TBC1D4: variants seen among roughly 807,000 people sequenced by gnomAD.
TBC1D4 encodes TBC (Tre-2, BUB2, CDC16) domain-containing protein.
TBC1D4 carries 121 observed loss-of-function variants against 142.5 expected under a neutral mutation model. The ratio of observed to expected loss-of-function variants is 0.85; its 90% confidence interval spans 0.73 to 0.99. The LOEUF (loss-of-function observed/expected upper bound fraction) is 0.99, where lower values mean the gene tolerates loss of function less well. Among genes scored for constraint, TBC1D4 ranks in the 50% least tolerant of loss-of-function variants. The pLI, the probability that TBC1D4 is intolerant of heterozygous loss-of-function variation, is 0.00. For missense variants in TBC1D4, 1,475 were observed against 1,606.6 expected (o/e 0.92, Z 1.40); for synonymous variants, 630 against 628.2 (o/e 1.00, Z -0.04).
chr13:75,359,817 T>C lies in TBC1D4; in HGVS notation c.1122A>G (p.Lys374=). Reference sequence around the variant, plus strand: ...TAAAATTCTTTTCTAGCACAACTGATTTAGTGTCTGGACTGATAAGGTTAA... The same window carrying C: ...TAAAATTCTTTTCTAGCACAACTGACTTAGTGTCTGGACTGATAAGGTTAA... ...FEINLISPDT[K]SVVLEKNFKD... The change falls in exon 3 of 21, where the codon AAA becomes AAG. Residue 374 remains lysine, a synonymous_variant. Transcript: ENST00000377636. The C allele has an allele frequency of 6.2e-7, 1 of 1,613,690 alleles. No homozygotes were observed. Among genetic ancestry groups the C allele is most frequent in the South Asian group, 1.1e-5 (1 of 91,054 alleles).
chr13:75,306,518 T>G (rs772587234), intron 14 of TBC1D4, 47 bp from the exon 15 acceptor site: 1 of 1,605,146 alleles, frequency 6.2e-7, no homozygotes, highest in South Asian at 1.1e-5. Flanking sequence ...TTTTCAAATG[T>G]AAAACTTTAG....
At chr13:75,314,460 A>G (rs1213800374) in intron 12 of TBC1D4, among the ~76,000 whole-genome samples, 1 of 152,158 alleles carries the variant, frequency 6.6e-6, no homozygotes, top group Non-Finnish European at 1.5e-5. Context: ...AGTTCATTCT[A>G]GTCTGGATCT....
intron 1 of TBC1D4, chr13:75,367,088 C>T (rs1243944523): frequency 3.6e-6 from 2 of 562,516 alleles, no homozygotes; most frequent in Non-Finnish European, 4.5e-6. Flanking sequence ...TATAAAACTT[C>T]CCAGGAGTAA....
At chr13:75,387,371 A>G (rs1432264011) in intron 1 of TBC1D4, among the ~76,000 whole-genome samples, 3 of 152,182 alleles carry the variant, frequency 2.0e-5, no homozygotes, top group Non-Finnish European at 4.4e-5. Context: ...ATCGTTCCTT[A>G]GAGGTTTGTG....
In TBC1D4 at chr13:75,331,022, C is replaced by A. The variant is rs1186911427; in HGVS notation, c.1732-3196G>T. Reference sequence around the variant, plus strand: ...ATTACTAGAAAAACAACTGAAATCACCTATTTTACTCATAGTGGTGTTTTA... The same window carrying A: ...ATTACTAGAAAAACAACTGAAATCAACTATTTTACTCATAGTGGTGTTTTA... On this transcript the variant is annotated intron_variant, in intron 8 of 20. Coordinates refer to ENST00000377636, the MANE Select transcript of TBC1D4 (RefSeq NM_014832.5). Among the ~76,000 whole-genome samples, 5 of 152,240 alleles carry A rather than the reference C, an allele frequency of 3.3e-5. No individual in the cohort carries two copies. The East Asian group carries it at 9.6e-4, about 29-fold the overall frequency.
intron 8 of TBC1D4, among the ~76,000 whole-genome samples, chr13:75,334,777 G>C (rs1333865617): frequency 6.6e-6 from 1 of 151,634 alleles, no homozygotes; most frequent in Non-Finnish European, 1.5e-5. Context: ...GTAGAGACGG[G>C]GTTTTACCAT....
chr13:75,468,831 A>G (rs1888273701), intron 1 of TBC1D4, among the ~76,000 whole-genome samples: 1 of 152,252 alleles, frequency 6.6e-6, no homozygotes, highest in African/African-American at 2.4e-5. Context: ...ATTCGTTGGA[A>G]TGAACCCATA....
intron 16 of TBC1D4, among the ~76,000 whole-genome samples, chr13:75,301,688 T>C (rs1338961855): frequency 1.3e-5 from 2 of 152,012 alleles, no homozygotes; most frequent in East Asian, 3.9e-4. Context: ...CACTGGAAAT[T>C]CTCCGCCAGG....
chr13:75,406,497 C>A (rs1885350657), intron 1 of TBC1D4, among the ~76,000 whole-genome samples: 1 of 152,122 alleles, frequency 6.6e-6, no homozygotes. Flanking sequence ...ACCTTTTCTC[C>A]AAGGACATGT....
At position 75,302,327 on chromosome 13, in the gene TBC1D4, T is replaced by C. The variant is rs2137890319; in HGVS notation, c.2827A>G (p.Asn943Asp). ...LQYRLRHRLP[N>D]KQQPPDISYK... Reference sequence around the variant, plus strand: ...GATATGTCAGGAGGCTGTTGTTTATTAGGCAATCTGTGTCTGAGTCGGTAC... The same window carrying C: ...GATATGTCAGGAGGCTGTTGTTTATCAGGCAATCTGTGTCTGAGTCGGTAC... Residue 943 changes from asparagine (N) to aspartate (D), a missense_variant, in exon 16 of 21, where the codon AAT becomes GAT. Physicochemically the swap from Asn to Asp is conservative, Grantham distance 23 (BLOSUM62 1). Around this residue, in one of 2 missense-constraint regions of TBC1D4, gnomAD observed 1,227 missense variants for 1,267.7 expected, o/e 0.97. Coordinates refer to ENST00000377636, the MANE Select transcript of TBC1D4 (RefSeq NM_014832.5). 1 of 1,614,230 alleles carries C rather than the reference T, an allele frequency of 6.2e-7. No homozygotes were observed. Among genetic ancestry groups the C allele is most frequent in the Non-Finnish European group, 8.5e-7 (1 of 1,180,038 alleles).
intron 1 of TBC1D4, among the ~76,000 whole-genome samples, chr13:75,371,939 A>G (rs1049887577): frequency 6.6e-6 from 1 of 152,200 alleles, no homozygotes; most frequent in African/African-American, 2.4e-5. Context: ...TATTTGTGTC[A>G]CTTATGAAAA....
At chr13:75,454,715 A>G (rs956277547) in intron 1 of TBC1D4, among the ~76,000 whole-genome samples, 3 of 152,230 alleles carry the variant, frequency 2.0e-5, no homozygotes, top group African/African-American at 4.8e-5. Context: ...TTGGCATGTT[A>G]GTACAGGATG....
At chr13:75,427,254 A>AT (rs1886414346) in intron 1 of TBC1D4, among the ~76,000 whole-genome samples, 1 of 152,048 alleles carries the variant, frequency 6.6e-6, no homozygotes, top group Non-Finnish European at 1.5e-5. Flanking sequence ...CGCCTGACTA[A>AT]TTTTTTGTAT....
chr13:75,388,786 T>C (rs1467371176), intron 1 of TBC1D4, among the ~76,000 whole-genome samples: 1 of 152,200 alleles, frequency 6.6e-6, no homozygotes, highest in African/African-American at 2.4e-5. Context: ...TCCTCAAGTC[T>C]TCCACATGTC....
chr13:75,404,016 T>C (rs1885215872), intron 1 of TBC1D4, among the ~76,000 whole-genome samples: 1 of 151,326 alleles, frequency 6.6e-6, no homozygotes, highest in Admixed American at 6.6e-5. Flanking sequence ...ATATAGGTGG[T>C]GTAACTGTAA....
chr13:75,371,436 T>C (rs1167783909), intron 1 of TBC1D4, among the ~76,000 whole-genome samples: 1 of 152,134 alleles, frequency 6.6e-6, no homozygotes, highest in Non-Finnish European at 1.5e-5. Flanking sequence ...AAAGGCAGAA[T>C]AGAAAGGCAC....
intron 1 of TBC1D4, among the ~76,000 whole-genome samples, chr13:75,378,938 G>A (rs534879344): frequency 1.2e-4 from 18 of 152,102 alleles, no homozygotes; most frequent in African/African-American, 2.6e-4. Context: ...TCTGCAAAAC[G>A]TTCAACATTT....
chr13:75,325,415 T>C (rs1257765705), intron 10 of TBC1D4, among the ~76,000 whole-genome samples: 1 of 131,212 alleles, frequency 7.6e-6, no homozygotes, highest in African/African-American at 3.8e-5. Flanking sequence ...TCGAGTTGTG[T>C]TTTTTTTTTT....
At chr13:75,302,173 A>G (rs1876630109) in intron 16 of TBC1D4, 70 bp downstream of exon 16, 3 of 1,602,826 alleles carry the variant, frequency 1.9e-6, no homozygotes, top group Non-Finnish European at 2.6e-6. Flanking sequence ...GAACAAACAA[A>G]AACCAAAAAA....
Sources: allele counts gnomAD v4.1 joint callset (sites outside exome capture counted in the v4.1 genomes callset), GRCh38; gene constraint gnomAD v4.1.1; regional missense constraint gnomAD v4.1.1; transcripts MANE v1.5; gene names NCBI Gene and HGNC (gene_info 2026-07-23, HGNC 2026-07-21).